The following PRTFDC1 variants were observed in gnomAD, a reference collection of about 807,000 sequenced individuals.
PRTFDC1 encodes phosphoribosyltransferase domain-containing protein 1.
PRTFDC1 carries 38 observed loss-of-function variants against 34.6 expected under a neutral mutation model. The ratio of observed to expected loss-of-function variants is 1.10; its 90% CI spans 0.85 to 1.44. PRTFDC1 has a LOEUF of 1.44. Ranked by LOEUF, PRTFDC1 falls within the 40% of genes most tolerant of loss-of-function variation. The probability of loss-of-function intolerance (pLI) is 0.00; values close to 1 mark genes in which losing one functional copy is unlikely to be tolerated. For synonymous variants in PRTFDC1, 93 were observed against 98.1 expected, an observed-to-expected ratio of 0.95 and a Z score of 0.31; for missense variants, 270 against 283.0, an observed-to-expected ratio of 0.95 and a Z score of 0.33.
chr10:24,946,099 G>A (rs1195709615), intron 1 of PRTFDC1, among the ~76,000 whole-genome samples: 1 of 152,084 alleles, frequency 6.6e-6, no homozygotes, highest in Non-Finnish European at 1.5e-5. Context: ...TCCTCCACCA[G>A]TGGCACCATT....
intron 3 of PRTFDC1, among the ~76,000 whole-genome samples, chr10:24,915,669 T>C (rs1217240253): frequency 1.3e-5 from 2 of 152,202 alleles, no homozygotes; most frequent in Non-Finnish European, 2.9e-5. Context: ...CATTCAGTCT[T>C]CTTACTTGTT....
intron 3 of PRTFDC1, chr10:24,908,313 G>A: frequency 2.8e-6 from 2 of 723,244 alleles, no homozygotes; most frequent in Non-Finnish European, 4.3e-6. Context: ...GTATTTCAAG[G>A]CAATATTTTT....
At chr10:24,920,318 T>C (rs1031963242) in intron 3 of PRTFDC1, among the ~76,000 whole-genome samples, 1 of 135,430 alleles carries the variant, frequency 7.4e-6, no homozygotes, top group Non-Finnish European at 1.5e-5. Flanking sequence ...TATGTGTGTG[T>C]ATATATATAT....
chr10:24,950,116 C>G (rs1342864977), intron 1 of PRTFDC1, among the ~76,000 whole-genome samples: 1 of 152,156 alleles, frequency 6.6e-6, no homozygotes, highest in Non-Finnish European at 1.5e-5. Context: ...TCTGTTGACA[C>G]CAATAGACTG....
chr10:24,927,088 A>C (rs779628528), intron 3 of PRTFDC1, among the ~76,000 whole-genome samples: 3 of 152,224 alleles, frequency 2.0e-5, no homozygotes, highest in Admixed American at 6.5e-5. Flanking sequence ...CTTTAAAAAA[A>C]AATTTCACTT....
intron 2 of PRTFDC1, among the ~76,000 whole-genome samples, chr10:24,939,057 G>T (rs143426953): frequency 1.3e-5 from 2 of 152,166 alleles, no homozygotes; most frequent in African/African-American, 4.8e-5. Context: ...GACATCAGAA[G>T]TCACACAGTG....
intron 3 of PRTFDC1, among the ~76,000 whole-genome samples, chr10:24,891,018 G>C (rs1315615277): frequency 6.6e-6 from 1 of 152,170 alleles, no homozygotes; most frequent in African/African-American, 2.4e-5. Context: ...ACCCATTTGG[G>C]AACCCTGAGA....
chr10:24,852,339 G>A (rs1847505415), intron 7 of PRTFDC1, among the ~76,000 whole-genome samples: 1 of 152,082 alleles, frequency 6.6e-6, no homozygotes, highest in African/African-American at 2.4e-5. Context: ...TTTTAGTAGA[G>A]ATGGGGTTTC....
Position 24,849,702 on chromosome 10 carries a change from G to A in PRTFDC1, c.*142C>T, listed in dbSNP as rs544574996. ...TACTCTTTATATTAACCTCAGAAAA[G>A]AAAGCTCTCTCATTTGAACATTTTT... On this transcript the variant is annotated 3_prime_UTR_variant, in exon 9 of 9. Transcript: ENST00000320152. The A allele has an allele frequency of 1.0e-4, 72 of 696,882 alleles. No individual in the cohort carries two copies. The highest frequency in any genetic ancestry group is 5.6e-4 in the South Asian group (29 of 52,226). The allele number at this position is 696,882 out of a possible 1,614,324, so 43.2% of individuals were successfully genotyped here.
intron 5 of PRTFDC1, among the ~76,000 whole-genome samples, chr10:24,858,150 G>C (rs1344456706): frequency 2.0e-5 from 3 of 152,168 alleles, no homozygotes; most frequent in Non-Finnish European, 4.4e-5. Flanking sequence ...AATCAACACA[G>C]AGATATGTGG....
chr10:24,918,493 C>A lies in PRTFDC1; in HGVS notation c.339+18691G>T, dbSNP rs116463826. On this transcript the variant is annotated intron_variant, in intron 3 of 8. Coordinates refer to ENST00000320152, the MANE Select transcript of PRTFDC1 (RefSeq NM_020200.7). ...CAGTACAGTAAGGATTATAGCTCAC[C>A]GCAGTCTTGAATTCCTGGGCTCATG... Among the ~76,000 whole-genome samples, 907 of 152,072 alleles carry A rather than the reference C, an allele frequency of 6.0e-3. 9 individuals are homozygous for A. The highest frequency in any genetic ancestry group is 0.021 in the African/African-American group (859 of 41,462).
intron 4 of PRTFDC1, among the ~76,000 whole-genome samples, chr10:24,864,989 G>A (rs944740342): frequency 3.3e-5 from 5 of 152,090 alleles, no homozygotes; most frequent in Admixed American, 6.6e-5. Context: ...GGTGGTGCAC[G>A]CCTGTAGTCC....
chr10:24,857,107 C>G, intron 5 of PRTFDC1, 112 bp from the exon 6 acceptor site: 1 of 898,116 alleles, frequency 1.1e-6, no homozygotes, highest in Non-Finnish European at 1.8e-6. Context: ...AAATGCCATC[C>G]AATTTGGAGC....
intron 3 of PRTFDC1, among the ~76,000 whole-genome samples, chr10:24,902,198 T>A (rs77252185): frequency 6.9e-6 from 1 of 144,034 alleles, no homozygotes. Context: ...TTATCCAGGA[T>A]TTTTTTTTTT....
intron 1 of PRTFDC1, among the ~76,000 whole-genome samples, chr10:24,947,933 A>G (rs1167926555): frequency 1.3e-5 from 2 of 152,108 alleles, no homozygotes; most frequent in Admixed American, 1.3e-4. Context: ...AGTGGGGACA[A>G]GTGGTTTGCT....
chr10:24,921,483 C>T (rs1423483963), intron 3 of PRTFDC1, among the ~76,000 whole-genome samples: 1 of 152,112 alleles, frequency 6.6e-6, no homozygotes, highest in Non-Finnish European at 1.5e-5. Context: ...TGCTAACCAA[C>T]ACTTCCCACT....
rs940005072 is a variant in PRTFDC1, at chr10:24,848,928, TA to T, written c.*915del. The T allele has an allele frequency of 5.3e-5, 8 of 152,348 alleles. No homozygotes were observed. Among genetic ancestry groups the T allele is most frequent in the Admixed American group, 5.2e-4 (8 of 15,294 alleles). The allele number at this position is 152,348 out of a possible 1,614,324, so 9.4% of individuals were successfully genotyped here. Reference sequence around the variant, plus strand: ...TGATCAGTCTTTTAAAGATATTTTTTAAAAAATTCAACCTCTGTCTTCACAT... The same window carrying T: ...TGATCAGTCTTTTAAAGATATTTTTTAAAAATTCAACCTCTGTCTTCACAT... On this transcript the variant is annotated 3_prime_UTR_variant, in exon 9 of 9. Transcript: ENST00000320152.
chr10:24,890,608 C>T (rs1050116194), intron 3 of PRTFDC1, among the ~76,000 whole-genome samples: 5 of 152,226 alleles, frequency 3.3e-5, no homozygotes, highest in Non-Finnish European at 5.9e-5. Flanking sequence ...AGAAGTTTGA[C>T]TGAGTCAGGG....
chr10:24,858,410 C>A lies in PRTFDC1; in HGVS notation c.406-1G>T. The A allele has an allele frequency of 6.2e-7, 1 of 1,613,342 alleles. No individual in the cohort carries two copies. The highest frequency in any genetic ancestry group is 1.1e-5 in the South Asian group (1 of 91,030). ...AGCTTACCTCAACAATGAGAACATT[C>A]TGAAATAAACAAAACCCATATTTTA... On this transcript the variant is annotated splice_acceptor_variant, in intron 4 of 8. Coordinates refer to ENST00000320152, the MANE Select transcript of PRTFDC1 (RefSeq NM_020200.7). LOFTEE classifies it high-confidence loss of function.
Sources: gnomAD v4.1 joint callset for allele counts (sites outside exome capture counted in the v4.1 genomes callset) on GRCh38, gnomAD v4.1.1 for gene constraint, MANE v1.5 for transcripts, NCBI Gene and HGNC (gene_info 2026-07-23, HGNC 2026-07-21) for gene names.